The following CLVS1 variants were observed in gnomAD, a reference collection of about 807,000 sequenced individuals.
CLVS1 encodes the protein clavesin 1.
In CLVS1, 10 loss-of-function variants were observed where a neutral mutation model predicts 33.1. The observed-to-expected ratio is 0.30, with a 90% CI of 0.19 to 0.51. The LOEUF is 0.51. CLVS1 is among the 20% of genes least tolerant of loss of function. The pLI is 0.97. For missense variants in CLVS1, 343 were observed against 433.4 expected (o/e 0.79, Z 1.85); for synonymous variants, 163 against 166.1 (o/e 0.98, Z 0.14).
intron 2 of CLVS1, among the ~76,000 whole-genome samples, chr8:61,310,820 G>A (rs185000029): frequency 2.2e-4 from 34 of 152,276 alleles, no homozygotes; most frequent in African/African-American, 7.5e-4. Context: ...TTAAGATAGC[G>A]ATTGAAGGCA....
At chr8:61,269,283 C>T (rs1478809806) in intron 2 of CLVS1, among the ~76,000 whole-genome samples, 1 of 152,160 alleles carries the variant, frequency 6.6e-6, no homozygotes, top group Non-Finnish European at 1.5e-5. Flanking sequence ...GAATCCTCTC[C>T]CATTTCTTGT....
chr8:61,294,321 C>G (rs1323175586), intron 1 of CLVS1, among the ~76,000 whole-genome samples: 1 of 152,226 alleles, frequency 6.6e-6, no homozygotes, highest in East Asian at 1.9e-4. Context: ...ATAGTAATAA[C>G]CTACCTTTAA....
intron 1 of CLVS1, among the ~76,000 whole-genome samples, chr8:61,090,039 T>A (rs1343881083): frequency 6.6e-6 from 1 of 152,240 alleles, no homozygotes; most frequent in African/African-American, 2.4e-5. Flanking sequence ...CCTGCTGTTA[T>A]TTGAGCAGCC....
chr8:61,165,924 A>G (rs1373405984), intron 2 of CLVS1, among the ~76,000 whole-genome samples: 1 of 152,008 alleles, frequency 6.6e-6, no homozygotes, highest in Non-Finnish European at 1.5e-5. Flanking sequence ...GGAAACATAC[A>G]TGTTATCAGC....
intron 2 of CLVS1, among the ~76,000 whole-genome samples, chr8:61,233,944 G>GCT (rs750854134): frequency 6.6e-6 from 1 of 152,136 alleles, no homozygotes; most frequent in African/African-American, 2.4e-5. Flanking sequence ...TTGGAGACTC[G>GCT]CTCTCTCTCT....
At chr8:60,975,384 G>T in the CLVS1 span, among the ~76,000 whole-genome samples, 1 of 152,136 alleles carries the variant, frequency 6.6e-6, no homozygotes, top group Non-Finnish European at 1.5e-5. Context: ...TTAAGTATAG[G>T]ATCTTGAGAT....
At chr8:61,246,768 A>T (rs1414820267) in intron 2 of CLVS1, among the ~76,000 whole-genome samples, 1 of 151,910 alleles carries the variant, frequency 6.6e-6, no homozygotes, top group Non-Finnish European at 1.5e-5. Flanking sequence ...GACTGCATAC[A>T]TGTTCTCTCT....
chr8:61,280,451 G>T (rs1809647191), intron 2 of CLVS1, among the ~76,000 whole-genome samples: 1 of 152,198 alleles, frequency 6.6e-6, no homozygotes. Context: ...TTGTATAATA[G>T]AATAGTGGTT....
chr8:61,118,490 C>A (rs1278398433), intron 1 of CLVS1, among the ~76,000 whole-genome samples: 1 of 149,460 alleles, frequency 6.7e-6, no homozygotes, highest in African/African-American at 2.5e-5. Flanking sequence ...ATCTTTCCTG[C>A]TTTCTCTTGT....
chr8:61,181,034 G>C (rs764937555), intron 2 of CLVS1, among the ~76,000 whole-genome samples: 32 of 152,194 alleles, frequency 2.1e-4, no homozygotes, highest in Admixed American at 1.1e-3. Context: ...AATAGGAAGA[G>C]AGGAAGTCAA....
chr8:61,069,745 C>T (rs914594345), intron 1 of CLVS1, among the ~76,000 whole-genome samples: 5 of 152,152 alleles, frequency 3.3e-5, no homozygotes, highest in African/African-American at 1.2e-4. Flanking sequence ...CTGACTTCCC[C>T]ACCACATTCT....
the CLVS1 span, among the ~76,000 whole-genome samples, chr8:61,010,717 G>A: frequency 6.6e-6 from 1 of 152,182 alleles, no homozygotes; most frequent in Non-Finnish European, 1.5e-5. Context: ...AAAGCAGCTG[G>A]TCTCTCTGCC....
intron 1 of CLVS1, among the ~76,000 whole-genome samples, chr8:61,108,033 C>A (rs1052424920): frequency 2.6e-5 from 4 of 151,798 alleles, no homozygotes; most frequent in African/African-American, 9.7e-5. Flanking sequence ...TTTGGGAGGT[C>A]GAGGTGGGCA....
At chr8:61,496,870 G>A (rs1454565785) in intron 5 of CLVS1, among the ~76,000 whole-genome samples, 2 of 152,164 alleles carry the variant, frequency 1.3e-5, no homozygotes, top group Non-Finnish European at 2.9e-5. Flanking sequence ...GGAACTGTGG[G>A]TTGGTAATAA....
chr8:61,125,346 G>A (rs1242929881), intron 1 of CLVS1, among the ~76,000 whole-genome samples: 3 of 152,182 alleles, frequency 2.0e-5, no homozygotes, highest in African/African-American at 7.2e-5. Flanking sequence ...CTGTGGGAGA[G>A]CAGGACAGGT....
intron 2 of CLVS1, among the ~76,000 whole-genome samples, chr8:61,213,443 G>A (rs970124993): frequency 1.8e-5 from 2 of 113,996 alleles, no homozygotes; most frequent in African/African-American, 8.2e-5. Flanking sequence ...GGGAAGTCAG[G>A]GACCCCAAAT....
intron 2 of CLVS1, among the ~76,000 whole-genome samples, chr8:61,240,086 C>T (rs975528008): frequency 1.3e-5 from 2 of 152,176 alleles, no homozygotes; most frequent in African/African-American, 4.8e-5. Flanking sequence ...CAGGGAAAAT[C>T]CATTTTCAGT....
chr8:61,033,161 A>AAGAAAGAAAGAAAAAAG, the CLVS1 span, among the ~76,000 whole-genome samples: 3 of 92,130 alleles, frequency 3.3e-5, 1 homozygote, highest in Non-Finnish European at 6.8e-5. Flanking sequence ...GAAAGAAAGA[A>AAGAAAGAAAGAAAAAAG]AAAGAAAGAA....
intron 3 of CLVS1, among the ~76,000 whole-genome samples, chr8:61,417,990 C>T (rs558142479): frequency 6.0e-4 from 92 of 152,350 alleles, no homozygotes; most frequent in Non-Finnish European, 8.8e-5. Flanking sequence ...GCCCTAAATC[C>T]TAATAAGTTG....
Sources: gnomAD v4.1 joint callset for allele counts (sites outside exome capture counted in the v4.1 genomes callset) on GRCh38, gnomAD v4.1.1 for gene constraint, MANE v1.5 for transcripts, NCBI Gene and HGNC (gene_info 2026-07-23, HGNC 2026-07-21) for gene names.